Variants in ARHGAP15 observed in about 807,000 individuals in gnomAD.
The protein encoded by ARHGAP15 is rho GTPase-activating protein 15.
In ARHGAP15, 51 loss-of-function variants were observed where a neutral mutation model predicts 63.7. That is an observed-to-expected ratio of 0.80 (90% CI 0.64 to 1.01). The LOEUF (loss-of-function observed/expected upper bound fraction) is 1.01. Ranked by LOEUF, ARHGAP15 falls within the 50% of genes least tolerant of loss-of-function variation. The pLI is 0.00. For missense variants in ARHGAP15, 560 were observed against 564.6 expected (o/e 0.99, Z 0.08); for synonymous variants, 191 against 193.8 (o/e 0.99, Z 0.12).
intron 12 of ARHGAP15, among the ~76,000 whole-genome samples, chr2:143,663,572 C>A (rs370250046): frequency 0.01 from 1,535 of 151,444 alleles, 8 homozygotes; most frequent in Non-Finnish European, 0.014. Flanking sequence ...ACAATATTAA[C>A]TTTAAATGTA....
intron 11 of ARHGAP15, among the ~76,000 whole-genome samples, chr2:143,591,325 ACAGT>A (rs1222271566): frequency 1.3e-4 from 20 of 152,172 alleles, no homozygotes; most frequent in African/African-American, 3.6e-4. Flanking sequence ...TTAGATTGTG[ACAGT>A]CAGACCATTC....
intron 6 of ARHGAP15, among the ~76,000 whole-genome samples, chr2:143,346,921 C>T (rs901652133): frequency 1.3e-5 from 2 of 152,004 alleles, no homozygotes; most frequent in Non-Finnish European, 2.9e-5. Context: ...ATTCTGCAGG[C>T]TTGCTATGAT....
At chr2:143,404,729 G>T (rs1382756487) in intron 6 of ARHGAP15, among the ~76,000 whole-genome samples, 2 of 151,920 alleles carry the variant, frequency 1.3e-5, no homozygotes, top group Non-Finnish European at 2.9e-5. Context: ...GTTCTGAGAA[G>T]CTCTGGCATA....
intron 6 of ARHGAP15, among the ~76,000 whole-genome samples, chr2:143,260,226 G>C (rs1026855984): frequency 2.0e-5 from 3 of 152,102 alleles, no homozygotes; most frequent in Non-Finnish European, 4.4e-5. Flanking sequence ...AAATAAAATA[G>C]TTAAAATTTA....
At chr2:143,764,882 C>T (rs116301748) in intron 13 of ARHGAP15, among the ~76,000 whole-genome samples, 108 of 152,308 alleles carry the variant, frequency 7.1e-4, no homozygotes, top group African/African-American at 2.5e-3. Flanking sequence ...TAATGTTCTA[C>T]TACCCTGTTG....
chr2:143,181,456 A>C (rs1172198416), intron 2 of ARHGAP15, among the ~76,000 whole-genome samples: 2 of 152,218 alleles, frequency 1.3e-5, no homozygotes, highest in African/African-American at 4.8e-5. Flanking sequence ...TCTACATTGA[A>C]AATGTGTTGT....
At chr2:143,243,631 A>T (rs1240965703) in intron 5 of ARHGAP15, among the ~76,000 whole-genome samples, 1 of 152,150 alleles carries the variant, frequency 6.6e-6, no homozygotes, top group Non-Finnish European at 1.5e-5. Flanking sequence ...AATCGGAAAT[A>T]TGTTTTCTAT....
intron 8 of ARHGAP15, among the ~76,000 whole-genome samples, chr2:143,452,657 ATTTTT>A (rs377089210): frequency 1.0e-4 from 14 of 137,022 alleles, no homozygotes; most frequent in Non-Finnish European, 1.6e-4. Flanking sequence ...GCCCCTTTGG[ATTTTT>A]TTTTTTTTTT....
intron 6 of ARHGAP15, among the ~76,000 whole-genome samples, chr2:143,308,935 CAAAAAAAAAAAA>C (rs35757623): frequency 9.3e-6 from 1 of 107,382 alleles, no homozygotes; most frequent in South Asian, 3.3e-4. Flanking sequence ...TCCTGGCAGC[CAAAAAAAAAAAA>C]AAAAAAAAAG....
intron 5 of ARHGAP15, among the ~76,000 whole-genome samples, chr2:143,241,481 G>A (rs1018569345): frequency 2.0e-5 from 3 of 152,188 alleles, no homozygotes; most frequent in African/African-American, 7.2e-5. Context: ...AAGCAATAGA[G>A]TATAGTGGTT....
intron 6 of ARHGAP15, among the ~76,000 whole-genome samples, chr2:143,381,711 T>C (rs2104942552): frequency 6.6e-6 from 1 of 152,218 alleles, no homozygotes; most frequent in Admixed American, 6.5e-5. Flanking sequence ...TCTTGTGTCT[T>C]TTTTCCCTTG....
chr2:143,210,920 A>G (rs1692535929), intron 3 of ARHGAP15, among the ~76,000 whole-genome samples: 1 of 151,472 alleles, frequency 6.6e-6, no homozygotes, highest in Admixed American at 6.6e-5. Context: ...ACAGTAAATG[A>G]TGTATTTACA....
intron 13 of ARHGAP15, among the ~76,000 whole-genome samples, chr2:143,766,377 T>C (rs996592220): frequency 1.3e-5 from 2 of 152,172 alleles, no homozygotes; most frequent in Non-Finnish European, 2.9e-5. Flanking sequence ...GAGAGTAGCC[T>C]TCCTAGTTAT....
intron 13 of ARHGAP15, among the ~76,000 whole-genome samples, chr2:143,714,941 C>T (rs1403359080): frequency 6.6e-5 from 10 of 152,174 alleles, no homozygotes; most frequent in African/African-American, 2.4e-4. Context: ...CTCCAAACTG[C>T]TCCAACCTCT....
intron 12 of ARHGAP15, among the ~76,000 whole-genome samples, chr2:143,677,249 A>G (rs1682872627): frequency 6.6e-6 from 1 of 152,246 alleles, no homozygotes; most frequent in Non-Finnish European, 1.5e-5. Flanking sequence ...TGTGTGGTGA[A>G]CAGCAAGTGT....
At chr2:143,454,688 A>AT (rs575571104) in intron 8 of ARHGAP15, among the ~76,000 whole-genome samples, 31 of 152,212 alleles carry the variant, frequency 2.0e-4, no homozygotes, top group Middle Eastern at 3.4e-3. Context: ...ATATGGGTGG[A>AT]TTAATAATTT....
chr2:143,191,889 T>G (rs16858775), intron 2 of ARHGAP15, among the ~76,000 whole-genome samples: 4,498 of 152,336 alleles, frequency 0.03, 306 homozygotes, highest in Admixed American at 0.18. Context: ...TTTATAAAAA[T>G]GTGCTGCCTT....
At chr2:143,490,182 G>C (rs1311408449) in intron 9 of ARHGAP15, among the ~76,000 whole-genome samples, 1 of 152,016 alleles carries the variant, frequency 6.6e-6, no homozygotes, top group Non-Finnish European at 1.5e-5. Flanking sequence ...TGTATTTTTA[G>C]TAGAGATGGG....
intron 2 of ARHGAP15, among the ~76,000 whole-genome samples, chr2:143,165,725 G>A (rs1305620524): frequency 6.6e-6 from 1 of 152,024 alleles, no homozygotes; most frequent in Non-Finnish European, 1.5e-5. Flanking sequence ...CCATGAGAAA[G>A]TGAATCTGGC....
Sources: gnomAD v4.1 joint callset for allele counts (sites outside exome capture counted in the v4.1 genomes callset) on GRCh38, gnomAD v4.1.1 for gene constraint, MANE v1.5 for transcripts, NCBI Gene and HGNC (gene_info 2026-07-23, HGNC 2026-07-21) for gene names.